Variants in SHD observed in about 807,000 individuals in gnomAD.
SHD encodes the protein Src homology 2 domain containing transforming protein D, also known as SH2 domain-containing adapter protein D.
In SHD, 29 loss-of-function variants were observed where a neutral mutation model predicts 31.2. The observed-to-expected ratio is 0.93, with a 90% CI of 0.69 to 1.27. The LOEUF is 1.27. Ranked by LOEUF, SHD falls within the 50% of genes most tolerant of loss-of-function variation. SHD has a pLI of 0.00. For missense variants in SHD, 520 were observed against 453.8 expected (o/e 1.15, Z -1.33); for synonymous variants, 208 against 187.8 (o/e 1.11, Z -0.88).
chr19:4,287,572 G>A (rs1190098262), intron 4 of SHD, among the ~76,000 whole-genome samples: 3 of 152,104 alleles, frequency 2.0e-5, no homozygotes, highest in African/African-American at 7.2e-5. Context: ...ATAACCTGAG[G>A]TTAGGAGTTC....
chr19:4,279,875 T>A lies in SHD; in HGVS notation c.-189T>A. 3.0e-6 allele frequency: 2 copies of A among 673,340 alleles called. No individual in the cohort carries two copies. The highest frequency in any genetic ancestry group is 4.2e-5 in the South Asian group (2 of 48,118). The allele number at this position is 673,340 out of a possible 1,614,324, so 41.7% of individuals were successfully genotyped here. A position where few individuals can be genotyped will look rare whatever the true frequency, so the allele number is the denominator to read the frequency against. The stretch of plus-strand genomic sequence containing the variant: ...TCCCTCCTCTGTCGCCTCCTTTTCC[T>A]CCCCCTCGTTCACCTTTTCCTTCCC... On this transcript the variant is annotated 5_prime_UTR_variant, in exon 1 of 6. Coordinates refer to ENST00000543264, the MANE Select transcript of SHD (RefSeq NM_020209.4). This position sits in a 1 kb window ranked among gnomAD's most constrained non-coding sequence, Gnocchi z 7.5.
chr19:4,282,231 C>G (rs1971263182), intron 1 of SHD, among the ~76,000 whole-genome samples: 2 of 151,848 alleles, frequency 1.3e-5, no homozygotes, highest in South Asian at 4.2e-4. Flanking sequence ...ACCAGCCTGG[C>G]CAACATGGTG....
At chr19:4,282,827 G>GC (rs1274974171) in intron 1 of SHD, 43 bp from the exon 2 acceptor site, 1 of 1,574,868 alleles carries the variant, frequency 6.3e-7, no homozygotes, top group African/African-American at 1.3e-5. Context: ...TAGCAGGGAA[G>GC]CCCCTCTGAG....
At chr19:4,287,454 T>C (rs1047467854) in intron 4 of SHD, among the ~76,000 whole-genome samples, 3 of 151,850 alleles carry the variant, frequency 2.0e-5, no homozygotes, top group Non-Finnish European at 2.9e-5. Flanking sequence ...TGAAGATCAA[T>C]GTCAAGTGTA....
At position 4,290,387 on chromosome 19, in the gene SHD, A is replaced by G. The variant is rs1322635164; in HGVS notation, c.837-60A>G. 1.9e-6 allele frequency: 3 copies of G among 1,544,186 alleles called. No homozygotes were observed. The African/African-American group carries it at 4.1e-5, about 21-fold the overall frequency. On this transcript the variant is annotated intron_variant, in intron 5 of 5. Transcript: ENST00000543264. ...GGCACTGTGGGAGGTGGCTTTGGGG[A>G]TGGTGCCTTTCTGGGTGGGTCCGGG...
Position 4,282,885 on chromosome 19 carries a change from G to A in SHD, c.313G>A (p.Glu105Lys), listed in dbSNP as rs1971270557. The change falls in exon 2 of 6, where the codon GAG becomes AAG. Residue 105 changes from glutamate (E) to lysine (K), a missense_variant. Glu to Lys is a moderately conservative substitution (Grantham distance 56). Transcript: ENST00000543264. ...GPGEELEADT[E>K]YLDPFDAQPH... ...CTCTCCGCAGCTGGAAGCCGACACT[G>A]AGTATTTAGACCCCTTTGATGCTCA... is the stretch of plus-strand genomic sequence containing the variant. 1.9e-6 allele frequency: 3 copies of A among 1,613,972 alleles called. No individual in the cohort carries two copies. The highest frequency in any genetic ancestry group is 2.5e-6 in the Non-Finnish European group (3 of 1,179,980).
chr19:4,279,772 C>G lies in SHD; in HGVS notation c.-292C>G. The G allele has an allele frequency of 2.4e-6, 1 of 411,782 alleles. No homozygotes were observed. Among genetic ancestry groups the G allele is most frequent in the Non-Finnish European group, 4.3e-6 (1 of 230,524 alleles). The allele number at this position is 411,782 out of a possible 1,614,324, so 25.5% of individuals were successfully genotyped here. A position where few individuals can be genotyped will look rare whatever the true frequency, so the allele number is the denominator to read the frequency against. ...ATGCCCCTCGCCCTAGCCCCCAGCG[C>G]GCGGGGTTCGGGGCCCTGCGAGGTC... On this transcript the variant is annotated 5_prime_UTR_variant, in exon 1 of 6. Transcript: ENST00000543264. The surrounding 1 kb of genome is among the most constrained non-coding windows in gnomAD (Gnocchi z 7.5).
At chr19:4,287,197 T>C (rs1414901698) in intron 4 of SHD, among the ~76,000 whole-genome samples, 1 of 151,558 alleles carries the variant, frequency 6.6e-6, no homozygotes, top group Non-Finnish European at 1.5e-5. Context: ...CTGGGCGTGG[T>C]GGCGGGTGCC....
At chr19:4,286,256 T>TTTCCTTCC (rs1971313230) in intron 4 of SHD, among the ~76,000 whole-genome samples, 3 of 127,854 alleles carry the variant, frequency 2.3e-5, no homozygotes, top group Admixed American at 8.0e-5. Context: ...TCTTTCTTTC[T>TTTCCTTCC]TTCTCTCTTT....
At chr19:4,290,220 G>A (rs1971362720) in intron 5 of SHD, among the ~76,000 whole-genome samples, 1 of 152,116 alleles carries the variant, frequency 6.6e-6, no homozygotes, top group Non-Finnish European at 1.5e-5. Flanking sequence ...CACTCTGTTG[G>A]CCAGGCTGGT....
Position 4,279,976 on chromosome 19 carries a change from C to A in SHD, c.-88C>A. The A allele has an allele frequency of 7.3e-7, 1 of 1,363,548 alleles. No homozygotes were observed. Among genetic ancestry groups the A allele is most frequent in the Non-Finnish European group, 9.8e-7 (1 of 1,016,796 alleles). 84.5% of individuals were successfully genotyped at this position (1,363,548 alleles called of 1,614,324 possible). The stretch of plus-strand genomic sequence containing the variant: ...TCCCTGCTCTTCCCTTCCTCTCCAC[C>A]TCCTCCTCCTCCTTGGGGAAAGGGG... On this transcript the variant is annotated 5_prime_UTR_variant, in exon 1 of 6. Coordinates refer to ENST00000543264, the MANE Select transcript of SHD (RefSeq NM_020209.4). The surrounding 1 kb of genome is among the most constrained non-coding windows in gnomAD (Gnocchi z 7.5).
intron 3 of SHD, among the ~76,000 whole-genome samples, chr19:4,283,558 TTTA>T (rs201637192): frequency 7.9e-6 from 1 of 127,066 alleles, no homozygotes; most frequent in African/African-American, 4.2e-5. Flanking sequence ...ATTTCTTTAT[TTTA>T]TTTTATTTTA....
At chr19:4,281,272 C>T (rs1253321982) in intron 1 of SHD, among the ~76,000 whole-genome samples, 1 of 136,282 alleles carries the variant, frequency 7.3e-6, no homozygotes, top group East Asian at 2.2e-4. Context: ...AGAGTGAGAC[C>T]TTGTCTCTAC....
intron 1 of SHD, among the ~76,000 whole-genome samples, chr19:4,281,414 A>T (rs1971255060): frequency 7.1e-6 from 1 of 140,778 alleles, no homozygotes; most frequent in Admixed American, 7.9e-5. Context: ...GCGCCACTGC[A>T]CTCCAACCTG....
Position 4,286,260 on chromosome 19 carries a change from TCTC to T in SHD, c.716+1357_716+1359del, listed in dbSNP as rs1357098316. On this transcript the variant is annotated intron_variant, in intron 4 of 5. Transcript: ENST00000543264. The stretch of plus-strand genomic sequence containing the variant: ...CTTTCTTTCTTTCTTTCTTTCTTTC[TCTC>T]TTTCTTTCTTTCTTTCTTTTTTTCT... Among the ~76,000 whole-genome samples the T allele has an allele frequency of 3.3e-4, 34 of 103,188 alleles. 2 individuals are homozygous for T. Among genetic ancestry groups the T allele is most frequent in the African/African-American group, 1.1e-3 (32 of 28,212 alleles). The allele number at this position is 103,188 out of a possible 152,430, so 67.7% of individuals were successfully genotyped here. A position where few individuals can be genotyped will look rare whatever the true frequency, so the allele number is the denominator to read the frequency against.
chr19:4,289,266 A>T (rs1971351450), intron 5 of SHD, among the ~76,000 whole-genome samples: 1 of 150,000 alleles, frequency 6.7e-6, no homozygotes, highest in Non-Finnish European at 1.5e-5. Flanking sequence ...GCCCACCACC[A>T]CGCCCGGCTA....
chr19:4,285,129 T>C (rs1971296088), intron 4 of SHD, among the ~76,000 whole-genome samples: 1 of 152,198 alleles, frequency 6.6e-6, no homozygotes, highest in African/African-American at 2.4e-5. Flanking sequence ...TCCTTTGGTA[T>C]CAAGTTCTGG....
At chr19:4,288,137 T>G (rs1051179019) in intron 4 of SHD, 106 bp from the exon 5 acceptor site, 4 of 1,350,856 alleles carry the variant, frequency 3.0e-6, no homozygotes, top group Non-Finnish European at 3.0e-6. Context: ...ACTCCTGACC[T>G]CAGGCAATCC....
At chr19:4,284,634 T>G (rs754627670) in intron 3 of SHD, 147 bp from the exon 4 acceptor site, 8 of 981,496 alleles carry the variant, frequency 8.2e-6, no homozygotes, top group Non-Finnish European at 1.1e-5. Flanking sequence ...TGGCCAATCC[T>G]GCCCCTGCCT....
Sources: gnomAD v4.1 joint callset for allele counts (sites outside exome capture counted in the v4.1 genomes callset) on GRCh38, gnomAD v4.1.1 for gene constraint, Gnocchi (gnomAD v3.1) non-coding constraint, MANE v1.5 for transcripts, NCBI Gene and HGNC (gene_info 2026-07-23, HGNC 2026-07-21) for gene names.